Variants in LRRC4C observed in about 807,000 individuals in gnomAD.
LRRC4C encodes the protein leucine-rich repeat-containing protein 4C.
In LRRC4C, 5 loss-of-function variants were observed where a neutral mutation model predicts 33.6. The observed-to-expected ratio is 0.15, with a 90% CI of 0.08 to 0.31. The LOEUF (loss-of-function observed/expected upper bound fraction) is 0.31. Ranked by LOEUF, LRRC4C falls within the 10% of genes least tolerant of loss-of-function variation. LRRC4C has a pLI of 1.00. For synonymous variants in LRRC4C, 329 were observed against 302.0 expected (o/e 1.09, Z -0.93); for missense variants, 560 against 796.7 (o/e 0.70, Z 3.58).
intron 3 of LRRC4C, among the ~76,000 whole-genome samples, chr11:40,456,643 C>G (rs1332340387): frequency 1.3e-5 from 2 of 151,966 alleles, no homozygotes; most frequent in African/African-American, 4.8e-5. Flanking sequence ...AAAGAAAATT[C>G]CGTCTTTAGA....
In LRRC4C at chr11:40,665,308, TAAAAAAAA is replaced by T. The variant is rs55827045; in HGVS notation, c.-406-17038_-406-17031del. On this transcript the variant is annotated intron_variant, in intron 2 of 6. Coordinates refer to ENST00000528697, the MANE Select transcript of LRRC4C (RefSeq NM_001258419.2). ...CAAAGCCCTGGGGTCATTGCTTTCT[TAAAAAAAA>T]AAAAAAAAAATATATATATATATAT... Among the ~76,000 whole-genome samples the T allele has an allele frequency of 2.0e-3, 88 of 43,406 alleles. 1 individual carries two copies. Among genetic ancestry groups the T allele is most frequent in the African/African-American group, 6.5e-3 (82 of 12,658 alleles). 28.5% of individuals were successfully genotyped at this position (43,406 alleles called of 152,430 possible). A position where few individuals can be genotyped will look rare whatever the true frequency, so the allele number is the denominator to read the frequency against.
chr11:41,016,003 A>AAAC (rs998077442), intron 1 of LRRC4C, among the ~76,000 whole-genome samples: 6 of 152,134 alleles, frequency 3.9e-5, no homozygotes, highest in African/African-American at 4.8e-5. Flanking sequence ...CCGTCTCAAA[A>AAAC]AACAACAACA....
intron 1 of LRRC4C, among the ~76,000 whole-genome samples, chr11:41,228,143 T>C (rs1947625996): frequency 6.6e-6 from 1 of 152,120 alleles, no homozygotes; most frequent in Admixed American, 6.6e-5. Context: ...TTTCTATCTA[T>C]GTTATTTTTC....
At chr11:40,730,434 A>G (rs1012379623) in intron 2 of LRRC4C, among the ~76,000 whole-genome samples, 3 of 152,186 alleles carry the variant, frequency 2.0e-5, no homozygotes, top group African/African-American at 7.2e-5. Flanking sequence ...AATGGGGAAT[A>G]TATTTCCATA....
At chr11:41,015,268 T>G (rs113006406) in intron 1 of LRRC4C, among the ~76,000 whole-genome samples, 2,234 of 152,298 alleles carry the variant, frequency 0.015, 61 homozygotes, top group African/African-American at 0.051. Context: ...GATGTAATAA[T>G]GTTATTGAAA....
chr11:40,333,698 CAAGAGTGAGACTTTGTCTCAAAAAAAAA>C (rs1946462885), intron 3 of LRRC4C, among the ~76,000 whole-genome samples: 1 of 95,576 alleles, frequency 1.0e-5, no homozygotes, highest in Non-Finnish European at 1.9e-5. Context: ...GCCAGTGGGA[CAAGAGTGAGACTTTGTCTCAAAAAAAAA>C]AAAAAAAAAA....
chr11:40,753,189 T>C (rs1948781959), intron 2 of LRRC4C, among the ~76,000 whole-genome samples: 1 of 151,916 alleles, frequency 6.6e-6, no homozygotes, highest in African/African-American at 2.4e-5. Flanking sequence ...AGGTACAAAC[T>C]TACAGAGATA....
At chr11:40,850,388 G>A (rs1348773647) in intron 2 of LRRC4C, among the ~76,000 whole-genome samples, 2 of 152,112 alleles carry the variant, frequency 1.3e-5, no homozygotes, top group Admixed American at 1.3e-4. Flanking sequence ...CTAACAGTCA[G>A]CACTCTCTTC....
chr11:40,523,931 T>C (rs80305531), intron 3 of LRRC4C, among the ~76,000 whole-genome samples: 2,163 of 152,284 alleles, frequency 0.014, 56 homozygotes, highest in African/African-American at 0.049. Flanking sequence ...TTCAGGTGAC[T>C]CTAGATTTTG....
At chr11:41,142,866 A>G (rs980348534) in intron 1 of LRRC4C, among the ~76,000 whole-genome samples, 2 of 152,218 alleles carry the variant, frequency 1.3e-5, no homozygotes, top group African/African-American at 4.8e-5. Flanking sequence ...ATAGCTTAAC[A>G]AAAACAAGTA....
At chr11:41,361,588 T>A (rs1952357844) in intron 1 of LRRC4C, among the ~76,000 whole-genome samples, 1 of 152,346 alleles carries the variant, frequency 6.6e-6, no homozygotes, top group African/African-American at 2.4e-5. Flanking sequence ...TGATCCAATT[T>A]ATATTTATGT....
In LRRC4C at chr11:40,981,164, C is replaced by A. The variant is rs1456179288; in HGVS notation, c.-495-47441G>T. 2.6e-5 allele frequency among the ~76,000 whole-genome samples: 4 copies of A among 152,072 alleles called. No individual in the cohort carries two copies. In the South Asian group the frequency reaches 6.2e-4, roughly 24 times the overall value. ...GGCGAGGTGGCTCACGCCTGTAATC[C>A]CAGCACTTTGAGAGGCCGAGACGGG... On this transcript the variant is annotated intron_variant, in intron 1 of 6. Transcript: ENST00000528697.
chr11:40,694,106 G>A (rs956135018), intron 2 of LRRC4C, among the ~76,000 whole-genome samples: 1 of 152,116 alleles, frequency 6.6e-6, no homozygotes, highest in Non-Finnish European at 1.5e-5. Context: ...GCCACGTACC[G>A]ATGTAGCTGG....
chr11:41,358,051 T>C (rs1472334434), intron 1 of LRRC4C, among the ~76,000 whole-genome samples: 2 of 152,042 alleles, frequency 1.3e-5, no homozygotes, highest in Non-Finnish European at 2.9e-5. Flanking sequence ...GGTAAAAGAA[T>C]AGACAAACAA....
Position 41,327,640 on chromosome 11 carries a change from C to T in LRRC4C, c.-496+131791G>A, listed in dbSNP as rs914605201. 3.9e-5 allele frequency among the ~76,000 whole-genome samples: 6 copies of T among 152,152 alleles called. No homozygotes were observed. In the South Asian group the frequency reaches 1.2e-3, roughly 32 times the overall value. On this transcript the variant is annotated intron_variant, in intron 1 of 6. Transcript: ENST00000528697. ...GTGATATGGTTTGGCTGTGTCCCCACCCAAATCTCATCTTGAATTGGAGCT... is the reference window on the plus strand; with the variant it reads ...GTGATATGGTTTGGCTGTGTCCCCATCCAAATCTCATCTTGAATTGGAGCT...
intron 1 of LRRC4C, among the ~76,000 whole-genome samples, chr11:40,987,655 CATATATATGAGATATAAATGAT>C (rs1266640260): frequency 1.4e-4 from 3 of 20,800 alleles, no homozygotes; most frequent in African/African-American, 5.6e-4. Context: ...ATATATATCT[CATATATATGAGATATAAATGAT>C]ATATATATAT....
At chr11:41,372,785 CAAAAA>C (rs33945657) in intron 1 of LRRC4C, among the ~76,000 whole-genome samples, 4 of 118,056 alleles carry the variant, frequency 3.4e-5, no homozygotes, top group Non-Finnish European at 5.3e-5. Flanking sequence ...AAGAGGGCAC[CAAAAA>C]AAAAAAAAAA....
At position 40,990,531 on chromosome 11, in the gene LRRC4C, A is replaced by G. The variant is rs115281607; in HGVS notation, c.-495-56808T>C. Among the ~76,000 whole-genome samples the G allele has an allele frequency of 1.5e-3, 233 of 152,058 alleles. 1 individual carries two copies. The highest frequency in any genetic ancestry group is 5.4e-3 in the African/African-American group (225 of 41,524). Reference sequence around the variant, plus strand: ...TTAATCACTGGATCAGTGGTTCTCAATGCATAATTAATGGAACACTAGGGT... The same window carrying G: ...TTAATCACTGGATCAGTGGTTCTCAGTGCATAATTAATGGAACACTAGGGT... On this transcript the variant is annotated intron_variant, in intron 1 of 6. Coordinates refer to ENST00000528697, the MANE Select transcript of LRRC4C (RefSeq NM_001258419.2).
At chr11:40,735,721 G>A (rs1947827690) in intron 2 of LRRC4C, among the ~76,000 whole-genome samples, 1 of 148,178 alleles carries the variant, frequency 6.7e-6, no homozygotes, top group African/African-American at 2.5e-5. Context: ...CTAGATCCCT[G>A]AGGAATCACC....
Sources: gnomAD v4.1 joint callset for allele counts (sites outside exome capture counted in the v4.1 genomes callset) on GRCh38, gnomAD v4.1.1 for gene constraint, MANE v1.5 for transcripts, NCBI Gene and HGNC (gene_info 2026-07-23, HGNC 2026-07-21) for gene names.